Variants in ZNF385D observed in about 807,000 individuals in gnomAD.
The protein encoded by ZNF385D is zinc finger protein 659.
In ZNF385D, 15 loss-of-function variants were observed where a neutral mutation model predicts 35.8. That is an observed-to-expected ratio of 0.42 (90% confidence interval 0.28 to 0.64). The LOEUF is 0.64. ZNF385D is among the 30% of genes least tolerant of loss of function. The probability of loss-of-function intolerance (pLI) is 0.23; values close to 1 mark genes in which losing one functional copy is unlikely to be tolerated. For synonymous variants in ZNF385D, 212 were observed against 186.8 expected (o/e 1.13, Z -1.10); for missense variants, 474 against 494.6 (o/e 0.96, Z 0.39).
At chr3:21,661,343 T>C (rs1402193634) in intron 2 of ZNF385D, among the ~76,000 whole-genome samples, 1 of 152,204 alleles carries the variant, frequency 6.6e-6, no homozygotes, top group African/African-American at 2.4e-5. Context: ...AAAAATTTCC[T>C]TATTTGTCAA....
intron 3 of ZNF385D, among the ~76,000 whole-genome samples, chr3:22,136,036 A>C (rs1704079165): frequency 6.6e-6 from 1 of 152,318 alleles, no homozygotes; most frequent in African/African-American, 2.4e-5. Flanking sequence ...AAGAAGAGAA[A>C]GTCTTGTGAC....
At chr3:21,837,564 T>A (rs1246649111) in intron 3 of ZNF385D, among the ~76,000 whole-genome samples, 1 of 152,020 alleles carries the variant, frequency 6.6e-6, no homozygotes, top group Non-Finnish European at 1.5e-5. Context: ...CAAGTCAGAA[T>A]ACCAGCTTGG....
chr3:21,441,230 A>G (rs412395), intron 4 of ZNF385D, among the ~76,000 whole-genome samples: 145,802 of 152,234 alleles, frequency 0.96, 69,824 homozygotes, highest in East Asian at 1. Flanking sequence ...AATAAATATT[A>G]AGAGAAAACA....
chr3:21,669,909 G>A (rs923554372), intron 1 of ZNF385D, among the ~76,000 whole-genome samples: 1 of 152,046 alleles, frequency 6.6e-6, no homozygotes, highest in African/African-American at 2.4e-5. Context: ...TGAGAGTGCG[G>A]TGGTTTTCTC....
chr3:22,060,532 G>A (rs1699636205), intron 3 of ZNF385D, among the ~76,000 whole-genome samples: 2 of 152,080 alleles, frequency 1.3e-5, no homozygotes, highest in South Asian at 4.1e-4. Context: ...ATTTTGTAAA[G>A]CATGTTTCCT....
chr3:22,042,480 G>A (rs182008484), intron 3 of ZNF385D, among the ~76,000 whole-genome samples: 4 of 152,182 alleles, frequency 2.6e-5, no homozygotes, highest in African/African-American at 7.2e-5. Flanking sequence ...GGTAGGTTGA[G>A]CATCTTAAGG....
intron 2 of ZNF385D, among the ~76,000 whole-genome samples, chr3:22,181,934 C>A (rs182531128): frequency 1.1e-4 from 16 of 152,290 alleles, no homozygotes; most frequent in African/African-American, 3.8e-4. Context: ...AGGGTAGTCT[C>A]TGGCCAACAA....
intron 3 of ZNF385D, among the ~76,000 whole-genome samples, chr3:22,161,920 G>T (rs892928903): frequency 6.6e-6 from 1 of 152,126 alleles, no homozygotes; most frequent in African/African-American, 2.4e-5. Context: ...TGTAGACCTG[G>T]GCAGTTCTGA....
In ZNF385D at chr3:21,539,074, C is replaced by T. The variant is rs1326770459; in HGVS notation, c.276+25500G>A. Among the ~76,000 whole-genome samples, 1 of 152,072 alleles carries T rather than the reference C, an allele frequency of 6.6e-6. No homozygotes were observed. The highest frequency in any genetic ancestry group is 6.5e-5 in the Admixed American group (1 of 15,288). On this transcript the variant is annotated intron_variant, in intron 3 of 7. Transcript: ENST00000281523. The surrounding 1 kb of genome is among the most constrained non-coding windows in gnomAD (Gnocchi z 4.0). ...GAGATGAACTAGTTTTCAGCTAATACGGAACAAAGGGAGTGGGTGCAGCAA... is the reference window on the plus strand; with the variant it reads ...GAGATGAACTAGTTTTCAGCTAATATGGAACAAAGGGAGTGGGTGCAGCAA...
chr3:21,815,933 T>C (rs948603969), intron 3 of ZNF385D, among the ~76,000 whole-genome samples: 2 of 152,152 alleles, frequency 1.3e-5, no homozygotes, highest in African/African-American at 4.8e-5. Context: ...AAATCCTCAA[T>C]AAAATACTGG....
At chr3:22,144,124 G>C (rs1202383613) in intron 3 of ZNF385D, among the ~76,000 whole-genome samples, 6 of 152,078 alleles carry the variant, frequency 3.9e-5, no homozygotes, top group African/African-American at 9.7e-5. Flanking sequence ...ATTTGCATGA[G>C]CTTTGACAAC....
intron 3 of ZNF385D, among the ~76,000 whole-genome samples, chr3:22,036,457 G>A (rs755504138): frequency 2.6e-5 from 4 of 151,856 alleles, no homozygotes; most frequent in Non-Finnish European, 5.9e-5. Flanking sequence ...CTGACCTATC[G>A]AGAAATTCAC....
chr3:22,088,419 A>T (rs939921949), intron 3 of ZNF385D, among the ~76,000 whole-genome samples: 3 of 152,170 alleles, frequency 2.0e-5, no homozygotes, highest in Admixed American at 6.6e-5. Flanking sequence ...GTATCCTAGG[A>T]CACTTTGAGA....
intron 2 of ZNF385D, among the ~76,000 whole-genome samples, chr3:22,271,644 A>C (rs1258110161): frequency 6.6e-6 from 1 of 151,508 alleles, no homozygotes; most frequent in Admixed American, 6.6e-5. Flanking sequence ...TTCCACCTCA[A>C]AATTGTGCAC....
At chr3:21,770,546 C>T (rs1359372948) in intron 3 of ZNF385D, among the ~76,000 whole-genome samples, 1 of 152,148 alleles carries the variant, frequency 6.6e-6, no homozygotes, top group Admixed American at 6.6e-5. Flanking sequence ...GAGATACCAT[C>T]TCACACCAGT....
intron 2 of ZNF385D, among the ~76,000 whole-genome samples, chr3:21,575,530 T>C (rs2063472025): frequency 6.6e-6 from 1 of 152,134 alleles, no homozygotes. Context: ...CAAGCTCTCT[T>C]TTACCTTTAA....
chr3:22,163,064 C>A (rs182237230), intron 3 of ZNF385D, among the ~76,000 whole-genome samples: 1 of 152,248 alleles, frequency 6.6e-6, no homozygotes, highest in Non-Finnish European at 1.5e-5. Context: ...TGTCTACCCA[C>A]TTTTGAGGCA....
chr3:21,759,766 T>C (rs139763633), intron 3 of ZNF385D, among the ~76,000 whole-genome samples: 5 of 152,206 alleles, frequency 3.3e-5, no homozygotes, highest in Admixed American at 2.0e-4. Context: ...CAGCGTTATA[T>C]TGAATTTCTT....
At chr3:21,827,327 T>C (rs867191399) in intron 3 of ZNF385D, among the ~76,000 whole-genome samples, 3 of 152,290 alleles carry the variant, frequency 2.0e-5, no homozygotes, top group Middle Eastern at 3.4e-3. Context: ...CAAGTATTCA[T>C]AAACACATAC....
Sources: gnomAD v4.1 joint callset for allele counts (sites outside exome capture counted in the v4.1 genomes callset) on GRCh38, gnomAD v4.1.1 for gene constraint, Gnocchi (gnomAD v3.1) non-coding constraint, MANE v1.5 for transcripts, NCBI Gene and HGNC (gene_info 2026-07-23, HGNC 2026-07-21) for gene names.